GAB4: variants seen among roughly 807,000 people sequenced by gnomAD.
GAB4 encodes GRB2 associated binding protein family member 4, also known as GRB2-associated-binding protein 4.
Under a neutral mutation model 51.3 loss-of-function variants are expected in GAB4, and 26 were observed. That is an observed-to-expected ratio of 0.51 (90% CI 0.37 to 0.70). GAB4 has a LOEUF of 0.70. Ranked by LOEUF, GAB4 falls within the 30% of genes least tolerant of loss-of-function variation. GAB4 has a pLI of 0.00. For missense variants in GAB4, 759 were observed against 734.6 expected (o/e 1.03, Z -0.38); for synonymous variants, 329 against 291.2 (o/e 1.13, Z -1.32).
At chr22:16,969,524 G>A (rs954004543) in intron 4 of GAB4, 1 of 488,582 alleles carries the variant, frequency 2.0e-6, no homozygotes, top group Non-Finnish European at 3.6e-6. Flanking sequence ...AGTCTCCCTT[G>A]GCCATGGGAG....
In GAB4 at chr22:16,983,052, G is replaced by T. The variant is rs552489000; in HGVS notation, c.686+4908C>A. Among the ~76,000 whole-genome samples, 7 of 152,318 alleles carry T rather than the reference G, an allele frequency of 4.6e-5. No individual in the cohort carries two copies. In the East Asian group the frequency reaches 1.3e-3, roughly 29 times the overall value. On this transcript the variant is annotated intron_variant, in intron 3 of 9. Coordinates refer to ENST00000400588, the MANE Select transcript of GAB4 (RefSeq NM_001037814.1). ...TCTAGCATTCCCAGGATCACAGGTT[G>T]ATTGTATCTTAAACTAGAAGAACAT...
At chr22:16,980,399 T>C (rs1290255661) in intron 3 of GAB4, among the ~76,000 whole-genome samples, 1 of 151,840 alleles carries the variant, frequency 6.6e-6, no homozygotes, top group Non-Finnish European at 1.5e-5. Flanking sequence ...CCCACAAACA[T>C]GAAAAAAAGC....
In GAB4 at chr22:16,964,808, G is replaced by C. The variant is rs753516134; in HGVS notation, c.1434C>G (p.Thr478=). The change falls in exon 8 of 10, where the codon ACC becomes ACG. Residue 478 remains threonine, a synonymous_variant. Transcript: ENST00000400588. The part of the protein sequence containing the change: ...SQHPISTQSI[T]NTDSEDSGER... The stretch of plus-strand genomic sequence containing the variant: ...CTCCACTGTCTTCTGAGTCTGTGTT[G>C]GTGATGCTCTGCGTGGAGATGGGGT... The C allele has an allele frequency of 1.9e-6, 3 of 1,614,042 alleles. No homozygotes were observed. Among genetic ancestry groups the C allele is most frequent in the East Asian group, 4.5e-5 (2 of 44,882 alleles).
intron 9 of GAB4, among the ~76,000 whole-genome samples, chr22:16,963,468 A>G (rs1229036835): frequency 6.6e-6 from 1 of 151,580 alleles, no homozygotes; most frequent in African/African-American, 2.4e-5. Context: ...TTATTCCACA[A>G]CCTCCACAGA....
chr22:16,963,634 G>A (rs1437936041), intron 9 of GAB4, 91 bp downstream of exon 9: 8 of 863,336 alleles, frequency 9.3e-6, no homozygotes, highest in South Asian at 6.0e-5. Flanking sequence ...CAGCCCAGCA[G>A]CCCAGTGCTG....
intron 3 of GAB4, among the ~76,000 whole-genome samples, chr22:16,982,891 G>T (rs1601269423): frequency 6.6e-6 from 1 of 152,108 alleles, no homozygotes; most frequent in African/African-American, 2.4e-5. Flanking sequence ...TGTGCCAAAG[G>T]GTGGAAGGCT....
At chr22:17,002,566 G>C (rs2123726319) in intron 1 of GAB4, among the ~76,000 whole-genome samples, 1 of 151,560 alleles carries the variant, frequency 6.6e-6, no homozygotes, top group South Asian at 2.1e-4. Flanking sequence ...CATAATGACA[G>C]GATCAAATTC....
At chr22:16,996,183 T>C (rs1297217551) in intron 1 of GAB4, among the ~76,000 whole-genome samples, 7 of 151,408 alleles carry the variant, frequency 4.6e-5, no homozygotes, top group African/African-American at 1.5e-4. Flanking sequence ...AATAGCCGAA[T>C]TGATCAAGCA....
chr22:16,978,839 A>C lies in GAB4; in HGVS notation c.687-8646T>G, dbSNP rs1430474706. 3.9e-5 allele frequency among the ~76,000 whole-genome samples: 6 copies of C among 152,226 alleles called. No homozygotes were observed. The East Asian group carries it at 1.2e-3, about 29-fold the overall frequency. On this transcript the variant is annotated intron_variant, in intron 3 of 9. Coordinates refer to ENST00000400588, the MANE Select transcript of GAB4 (RefSeq NM_001037814.1). Reference sequence around the variant, plus strand: ...ATTAAAAAGCTTATCCACCATGATCAAACTGGCTTCTTTCCTGGGATGCAA... The same window carrying C: ...ATTAAAAAGCTTATCCACCATGATCCAACTGGCTTCTTTCCTGGGATGCAA...
At position 16,962,802 on chromosome 22, in the gene GAB4, C is replaced by T. The variant is rs753647252; in HGVS notation, c.1656G>A (p.Leu552=). ...ACATCTGTTCATGCATGGTCTTCTG[C>T]AGGGCCTGGGTCTTCTCCAGATCCA... ...VQVDLEKTQA[L]QKTMHEQMCL... The change falls in exon 10 of 10, where the codon CTG becomes CTA. Residue 552 remains leucine (L), a synonymous_variant. Coordinates refer to ENST00000400588, the MANE Select transcript of GAB4 (RefSeq NM_001037814.1). 6.2e-7 allele frequency: 1 copy of T among 1,613,754 alleles called. No homozygotes were observed. Among genetic ancestry groups the T allele is most frequent in the Admixed American group, 1.7e-5 (1 of 60,030 alleles).
rs1349493833 is a variant in GAB4, at chr22:17,008,066, G to C, written c.49C>G (p.Pro17Ala). Residue 17 changes from proline (P) to alanine (A), a missense_variant, in exon 1 of 10, where the codon CCG becomes GCG. Physicochemically the swap from Pro to Ala is conservative, Grantham distance 27. Around this residue, in one of 3 missense-constraint regions of GAB4, gnomAD observed 83 missense variants for 73.1 expected, o/e 1.14. Transcript: ENST00000400588. ...SPSRELCPPD[P>A]AFAPLSSWPG... is the part of the protein sequence containing the mutation. ...CACGAAGACAAAGGCGCAAATGCCG[G>C]GTCAGGTGGGCACAGCTCCCGGGAG... 7.5e-6 allele frequency: 12 copies of C among 1,608,192 alleles called. No homozygotes were observed. Among genetic ancestry groups the C allele is most frequent in the Non-Finnish European group, 9.3e-6 (11 of 1,177,452 alleles).
chr22:16,977,813 A>C (rs534535366), intron 3 of GAB4, among the ~76,000 whole-genome samples: 65 of 152,350 alleles, frequency 4.3e-4, no homozygotes, highest in Middle Eastern at 3.4e-3. Flanking sequence ...AATGAAGGGA[A>C]ATCATAACAA....
At chr22:17,000,800 T>C (rs1445740898) in intron 1 of GAB4, among the ~76,000 whole-genome samples, 1 of 152,246 alleles carries the variant, frequency 6.6e-6, no homozygotes, top group Non-Finnish European at 1.5e-5. Context: ...CCATGTTTAG[T>C]GCTTCCTTCA....
chr22:16,974,231 T>G (rs1348817487), intron 3 of GAB4, among the ~76,000 whole-genome samples: 1 of 152,120 alleles, frequency 6.6e-6, no homozygotes, highest in Non-Finnish European at 1.5e-5. Context: ...TTGGGAGCAG[T>G]GGATTTGGAG....
At position 16,966,304 on chromosome 22, in the gene GAB4, T is replaced by A. The variant is rs775437334; in HGVS notation, c.1084A>T (p.Met362Leu). Reference protein sequence around the residue: ...SIASEGSCVPMNPGSPTLPAV... With the variant: ...SIASEGSCVPLNPGSPTLPAV... Reference sequence around the variant, plus strand: ...GGCAGGGTAGGGGAGCCTGGGTTCATGGGCACACAGCTGCCCTCAGAAGCA... The same window carrying A: ...GGCAGGGTAGGGGAGCCTGGGTTCAAGGGCACACAGCTGCCCTCAGAAGCA... The change falls in exon 6 of 10, where the codon ATG becomes TTG. Residue 362 changes from methionine (M) to leucine (L), a missense_variant. Transcript: ENST00000400588. 3.1e-6 allele frequency: 5 copies of A among 1,613,652 alleles called. No individual in the cohort carries two copies. In the African/African-American group the frequency reaches 6.7e-5, roughly 22 times the overall value.
rs964278180 is a variant in GAB4 at position 16,962,417 on chromosome 22, A to T, written c.*316T>A. The T allele has an allele frequency of 9.1e-6, 2 of 220,468 alleles. No individual in the cohort carries two copies. Among genetic ancestry groups the T allele is most frequent in the African/African-American group, 4.5e-5 (2 of 44,150 alleles). The allele number at this position is 220,468 out of a possible 1,614,324, so 13.7% of individuals were successfully genotyped here. On this transcript the variant is annotated 3_prime_UTR_variant, in exon 10 of 10. Coordinates refer to ENST00000400588, the MANE Select transcript of GAB4 (RefSeq NM_001037814.1). ...GCTCCTCATGTTCCAGGATTGAGGGAAACAGCCCAGAGGCTAGAAGGAAGA... is the reference window on the plus strand; with the variant it reads ...GCTCCTCATGTTCCAGGATTGAGGGTAACAGCCCAGAGGCTAGAAGGAAGA...
At chr22:16,986,267 T>A (rs561651420) in intron 3 of GAB4, among the ~76,000 whole-genome samples, 58 of 152,328 alleles carry the variant, frequency 3.8e-4, no homozygotes, top group Admixed American at 1.6e-3. Flanking sequence ...GGTTCGCTGA[T>A]GAAAACAAGC....
chr22:17,002,803 G>A (rs183208022), intron 1 of GAB4, among the ~76,000 whole-genome samples: 14 of 152,106 alleles, frequency 9.2e-5, no homozygotes, highest in Admixed American at 2.6e-4. Context: ...TTGTGCACAC[G>A]TACCCAAAAA....
intron 3 of GAB4, among the ~76,000 whole-genome samples, chr22:16,986,872 T>G (rs1442564067): frequency 6.6e-6 from 1 of 152,158 alleles, no homozygotes; most frequent in African/African-American, 2.4e-5. Context: ...TCAGATTGAG[T>G]GCTGGAGCCC....
Sources: allele counts gnomAD v4.1 joint callset (sites outside exome capture counted in the v4.1 genomes callset), GRCh38; gene constraint gnomAD v4.1.1; regional missense constraint gnomAD v4.1.1; transcripts MANE v1.5; gene names NCBI Gene and HGNC (gene_info 2026-07-23, HGNC 2026-07-21).